KMT2C: variants seen among roughly 807,000 people sequenced by gnomAD.
KMT2C encodes the protein histone-lysine N-methyltransferase 2C.
In KMT2C, 88 loss-of-function variants were observed where a neutral mutation model predicts 507.9. The observed-to-expected ratio is 0.17, with a 90% CI of 0.15 to 0.21. The LOEUF is 0.21. KMT2C is among the 10% of genes least tolerant of loss of function. The pLI is 1.00. For missense variants in KMT2C, 4,954 were observed against 5,957.8 expected (o/e 0.83, Z 5.55); for synonymous variants, 2,049 against 2,080.8 (o/e 0.98, Z 0.42).
At position 152,247,100 on chromosome 7, in the gene KMT2C, A is replaced by G. The variant is rs191438640; in HGVS notation, c.2532+802T>C. Among the ~76,000 whole-genome samples, 180 of 152,290 alleles carry G rather than the reference A, an allele frequency of 1.2e-3. No individual in the cohort carries two copies. The East Asian group carries it at 0.026, about 22-fold the overall frequency. On this transcript the variant is annotated intron_variant, in intron 14 of 58. Transcript: ENST00000262189. ...TTTCAATCATGAAACTTAAAACTCC[A>G]AATTACTATTGTGAATTAACACTTC... is the stretch of plus-strand genomic sequence containing the variant.
At chr7:152,206,290 G>GA (rs961525670) in intron 24 of KMT2C, among the ~76,000 whole-genome samples, 44 of 142,428 alleles carry the variant, frequency 3.1e-4, no homozygotes, top group East Asian at 6.1e-4. Flanking sequence ...CAGAGGAAAA[G>GA]AAAAAAAAAA....
intron 9 of KMT2C, among the ~76,000 whole-genome samples, chr7:152,261,413 T>C (rs2095773733): frequency 1.3e-5 from 2 of 151,910 alleles, no homozygotes; most frequent in South Asian, 4.1e-4. Flanking sequence ...AATCAACAAG[T>C]CAAAAAATAA....
intron 58 of KMT2C, 53 bp from the exon 59 acceptor site, chr7:152,136,977 G>A (rs751955309): frequency 1.2e-4 from 160 of 1,330,662 alleles, no homozygotes; most frequent in Non-Finnish European, 1.7e-4. Flanking sequence ...AGGCAATAGC[G>A]TTTCTGCCTC....
intron 1 of KMT2C, among the ~76,000 whole-genome samples, chr7:152,385,614 A>G: frequency 1.7e-5 from 1 of 60,218 alleles, no homozygotes; most frequent in Non-Finnish European, 2.9e-5. Context: ...TCCGTCTCAA[A>G]AAAAAAAAAA....
intron 7 of KMT2C, among the ~76,000 whole-genome samples, chr7:152,273,189 G>A (rs2096009724): frequency 6.6e-6 from 1 of 152,092 alleles, no homozygotes; most frequent in South Asian, 2.1e-4. Flanking sequence ...GCAGATTACA[G>A]AAGACTAAGA....
chr7:152,187,352 C>T lies in KMT2C; in HGVS notation c.4918G>A (p.Glu1640Lys), dbSNP rs373510851. The T allele has an allele frequency of 5.6e-6, 9 of 1,614,022 alleles. No homozygotes were observed. In the African/African-American group the frequency reaches 1.1e-4, roughly 19 times the overall value. Reference protein sequence around the residue: ...SNAQRSTLKWEKEEALGEMAT... With the variant: ...SNAQRSTLKWKKEEALGEMAT... The stretch of plus-strand genomic sequence containing the variant: ...ATTTCACCCAGAGCCTCCTCTTTCT[C>T]CCACTTAAGCGTGCTTCTCTGGGCA... Residue 1640 changes from glutamate (E) to lysine (K), a missense_variant, in exon 33 of 59, where the codon GAG (glutamate) becomes AAG (lysine). This residue lies in a region of KMT2C where 195 missense variants were observed against 183.7 expected (regional missense o/e 1.06). Coordinates refer to ENST00000262189, the MANE Select transcript of KMT2C (RefSeq NM_170606.3).
chr7:152,330,312 C>G (rs1337027193), intron 3 of KMT2C, among the ~76,000 whole-genome samples: 1 of 152,042 alleles, frequency 6.6e-6, no homozygotes, highest in African/African-American at 2.4e-5. Context: ...ATGCTAAATG[C>G]TCACATTTAT....
chr7:152,297,494 C>A (rs2096527558), intron 6 of KMT2C, among the ~76,000 whole-genome samples: 1 of 152,146 alleles, frequency 6.6e-6, no homozygotes, highest in South Asian at 2.1e-4. Flanking sequence ...TGGGAGGGAA[C>A]AGGGCCTGAT....
At chr7:152,312,060 T>C in intron 4 of KMT2C, 114 bp from the exon 5 acceptor site, 2 of 750,530 alleles carry the variant, frequency 2.7e-6, no homozygotes, top group Non-Finnish European at 2.0e-6. Context: ...AGCCATTAAC[T>C]GTCATAAAAC....
chr7:152,296,544 T>A (rs1020749811), intron 6 of KMT2C, among the ~76,000 whole-genome samples: 13 of 152,020 alleles, frequency 8.6e-5, no homozygotes, highest in Admixed American at 5.9e-4. Context: ...CCTTTTTCCT[T>A]TCTGCCTCTG....
intron 2 of KMT2C, among the ~76,000 whole-genome samples, chr7:152,332,327 A>T (rs1163490923): frequency 6.6e-6 from 1 of 152,204 alleles, no homozygotes. Flanking sequence ...ACCAGTGCTC[A>T]TGATGCAGTT....
intron 2 of KMT2C, among the ~76,000 whole-genome samples, chr7:152,356,591 TA>T (rs1189811124): frequency 4.1e-5 from 6 of 146,736 alleles, no homozygotes; most frequent in Non-Finnish European, 6.0e-5. Flanking sequence ...AAAACAAAAT[TA>T]AAAAAAATAA....
In KMT2C at chr7:152,182,124, A is replaced by G; in HGVS notation, c.5736T>C (p.His1912=). The change falls in exon 36 of 59, where the codon CAT becomes CAC. Residue 1912 remains histidine, a synonymous_variant. Coordinates refer to ENST00000262189, the MANE Select transcript of KMT2C (RefSeq NM_170606.3). ...VGTPRPPPVG[H]SFSRRNSAAP... ...CAGCAGAATTTCTTCTGGAAAAACT[A>G]TGGCCCACAGGAGGTGGTCGAGGGG... The G allele has an allele frequency of 6.2e-7, 1 of 1,614,228 alleles. No individual in the cohort carries two copies. Among genetic ancestry groups the G allele is most frequent in the Non-Finnish European group, 8.5e-7 (1 of 1,180,044 alleles).
intron 44 of KMT2C, chr7:152,157,788 C>T (rs748394764): frequency 3.8e-6 from 5 of 1,305,318 alleles, no homozygotes; most frequent in African/African-American, 1.5e-5. Flanking sequence ...AATAGTAGTC[C>T]GAAACCCCTT....
Position 152,169,289 on chromosome 7 carries a change from T to A in KMT2C, c.9454-40A>T, listed in dbSNP as rs746492363. 8 of 1,180,680 alleles carry A rather than the reference T, an allele frequency of 6.8e-6. No individual in the cohort carries two copies. In the East Asian group the frequency reaches 1.9e-4, roughly 28 times the overall value. 73.1% of individuals were successfully genotyped at this position (1,180,680 alleles called of 1,614,324 possible). Reference sequence around the variant, plus strand: ...ATTTACAAATATGTTTATTCCACATTTCAGTTAAAGGGGGGAAAAAACTTT... The same window carrying A: ...ATTTACAAATATGTTTATTCCACATATCAGTTAAAGGGGGGAAAAAACTTT... On this transcript the variant is annotated intron_variant, in intron 40 of 58. Coordinates refer to ENST00000262189, the MANE Select transcript of KMT2C (RefSeq NM_170606.3).
Position 152,180,826 on chromosome 7 carries a change from T to C in KMT2C, c.7034A>G (p.Gln2345Arg). 3.1e-6 allele frequency: 5 copies of C among 1,614,170 alleles called. No homozygotes were observed. Among genetic ancestry groups the C allele is most frequent in the Non-Finnish European group, 4.2e-6 (5 of 1,180,024 alleles). The change falls in exon 36 of 59, where the codon CAA (glutamine) becomes CGA (arginine). Residue 2345 changes from glutamine (Q) to arginine (R), a missense_variant. Gln to Arg is a conservative substitution (Grantham distance 43). Coordinates refer to ENST00000262189, the MANE Select transcript of KMT2C (RefSeq NM_170606.3). ...GGAGACACCAGAGAACTGCTGGCCT[T>C]GGGAGTGCATTGGAGAGTTTGAAGA... ...CASSNSPMHS[Q>R]GQQFSGVSQL... is the part of the protein sequence containing the mutation.
intron 3 of KMT2C, among the ~76,000 whole-genome samples, chr7:152,326,609 G>A (rs757698278): frequency 5.9e-5 from 9 of 152,034 alleles, no homozygotes; most frequent in Non-Finnish European, 7.4e-5. Context: ...GGCCGGGGAC[G>A]GTGGCTCACG....
At chr7:152,223,151 G>A (rs943505015) in intron 20 of KMT2C, among the ~76,000 whole-genome samples, 1 of 152,148 alleles carries the variant, frequency 6.6e-6, no homozygotes, top group Non-Finnish European at 1.5e-5. Context: ...TTAGTAGCCA[G>A]AGTCCCAAGA....
chr7:152,179,157 G>T (rs1020384477), intron 37 of KMT2C, among the ~76,000 whole-genome samples: 15 of 152,070 alleles, frequency 9.9e-5, no homozygotes, highest in African/African-American at 3.4e-4. Context: ...CGCCATAGCC[G>T]GCCAATTTTT....
Sources: gnomAD v4.1 joint callset for allele counts (sites outside exome capture counted in the v4.1 genomes callset) on GRCh38, gnomAD v4.1.1 for gene constraint, gnomAD v4.1.1 regional missense constraint, MANE v1.5 for transcripts, NCBI Gene and HGNC (gene_info 2026-07-23, HGNC 2026-07-21) for gene names.